The following SLC36A2 variants were observed in gnomAD, a reference collection of about 807,000 sequenced individuals.
SLC36A2 encodes solute carrier family 36 member 2, also known as proton-coupled amino acid transporter 2.
A neutral mutation model predicts 42.7 loss-of-function variants in SLC36A2; 39 were observed. The ratio of observed to expected loss-of-function variants is 0.91; its 90% confidence interval spans 0.71 to 1.19. SLC36A2 has a LOEUF of 1.19. Among genes scored for constraint, SLC36A2 ranks in the 50% most tolerant of loss-of-function variants. The probability of loss-of-function intolerance (pLI) is 0.00; values close to 1 mark genes in which losing one functional copy is unlikely to be tolerated. For synonymous variants in SLC36A2, 237 were observed against 240.8 expected, an observed-to-expected ratio of 0.98 and a Z score of 0.15; for missense variants, 590 against 613.7, an observed-to-expected ratio of 0.96 and a Z score of 0.41.
intron 8 of SLC36A2, 116 bp downstream of exon 8, chr5:151,325,170 T>G (rs2127288309): frequency 1.8e-5 from 22 of 1,245,284 alleles, no homozygotes; most frequent in Non-Finnish European, 2.5e-5. Context: ...CAATTCTGCT[T>G]CTTCTGTGGG....
chr5:151,317,797 C>T (rs954801974), intron 9 of SLC36A2, among the ~76,000 whole-genome samples: 3 of 152,172 alleles, frequency 2.0e-5, no homozygotes, highest in Admixed American at 6.5e-5. Flanking sequence ...AACTTTTCCC[C>T]TACCAACTTA....
At position 151,347,334 on chromosome 5, in the gene SLC36A2, A is replaced by G; in HGVS notation, c.127T>C (p.Ser43Pro). The change falls in exon 1 of 10, where the codon TCA (serine) becomes CCA (proline). Residue 43 changes from serine to proline, a missense_variant. Physicochemically the swap from Ser to Pro is moderately conservative, Grantham distance 74. Transcript: ENST00000335244. ...GTCTTCTTCAAGCCTGCTGACTCTG[A>G]AGGACTTTCATCCAAGAATGTAGAG... ...KDSTFLDESP[S>P]ESAGLKKTKG... 1 of 1,614,224 alleles carries G rather than the reference A, an allele frequency of 6.2e-7. No homozygotes were observed. Among genetic ancestry groups the G allele is most frequent in the Non-Finnish European group, 8.5e-7 (1 of 1,180,028 alleles).
chr5:151,340,147 G>GA (rs1756285341), intron 4 of SLC36A2, among the ~76,000 whole-genome samples: 3 of 104,406 alleles, frequency 2.9e-5, no homozygotes, highest in Non-Finnish European at 4.9e-5. Flanking sequence ...AGAAGAGGAG[G>GA]AGAAGGAGGA....
rs1448472960 is a variant in SLC36A2, at chr5:151,325,452, C to T, written c.844G>A (p.Val282Ile). The T allele has an allele frequency of 1.2e-6, 2 of 1,613,898 alleles. No homozygotes were observed. The highest frequency in any genetic ancestry group is 4.5e-5 in the East Asian group (2 of 44,880). The change falls in exon 8 of 10, where the codon GTT becomes ATT. Residue 282 changes from valine to isoleucine, a missense_variant and splice_region_variant. Transcript: ENST00000335244. Reference protein sequence around the residue: ...AIFSFESIGVVLPLENKMKNA... With the variant: ...AIFSFESIGVILPLENKMKNA... Reference sequence around the variant, plus strand: ...TTCATCTTGTTTTCCAGAGGCAGAACCTACAGAAACATCACAATGTAAGAA... The same window carrying T: ...TTCATCTTGTTTTCCAGAGGCAGAATCTACAGAAACATCACAATGTAAGAA...
At chr5:151,346,026 C>T (rs999312509) in intron 1 of SLC36A2, among the ~76,000 whole-genome samples, 5 of 152,222 alleles carry the variant, frequency 3.3e-5, no homozygotes, top group South Asian at 2.1e-4. Flanking sequence ...CCAACCCCAT[C>T]GTTGCCACGC....
chr5:151,339,739 A>C (rs1181942431), intron 4 of SLC36A2, among the ~76,000 whole-genome samples: 1 of 152,230 alleles, frequency 6.6e-6, no homozygotes, highest in East Asian at 1.9e-4. Flanking sequence ...CATTGATACC[A>C]ATTAATGTGG....
chr5:151,331,484 TA>T (rs1000880018), intron 7 of SLC36A2, among the ~76,000 whole-genome samples: 2 of 148,304 alleles, frequency 1.3e-5, no homozygotes, highest in African/African-American at 2.6e-5. Context: ...CCCAGCTAAT[TA>T]AAAAATTTTT....
Position 151,316,858 on chromosome 5 carries a change from C to G in SLC36A2, c.1411G>C (p.Asp471His), listed in dbSNP as rs140682366. The G allele has an allele frequency of 6.2e-7, 1 of 1,613,586 alleles. No individual in the cohort carries two copies. Residue 471 changes from aspartate to histidine, a missense_variant, in exon 10 of 10, where the codon GAC (aspartate) becomes CAC (histidine). Transcript: ENST00000335244. ...QALDELLKSE[D>H]SHPFSNSTTF... The stretch of plus-strand genomic sequence containing the variant: ...GTGGAGTTGGAAAAGGGGTGAGAGT[C>G]TTCTGACTTGAGCAGCTCGTCCAGG...
intron 5 of SLC36A2, among the ~76,000 whole-genome samples, chr5:151,336,197 T>C (rs6579853): frequency 0.2 from 30,498 of 152,166 alleles, 7,858 homozygotes; most frequent in African/African-American, 0.6. Flanking sequence ...TCATGTGGCA[T>C]AGCTAGGGGA....
intron 9 of SLC36A2, among the ~76,000 whole-genome samples, chr5:151,321,028 C>A (rs1755669865): frequency 6.6e-6 from 1 of 152,194 alleles, no homozygotes; most frequent in Non-Finnish European, 1.5e-5. Context: ...TATCATAGTT[C>A]TACCTCATGA....
intron 7 of SLC36A2, among the ~76,000 whole-genome samples, chr5:151,326,392 T>A (rs1755851203): frequency 6.6e-6 from 1 of 152,044 alleles, no homozygotes; most frequent in Admixed American, 6.5e-5. Flanking sequence ...CTGTGCAGAC[T>A]CCCTCCGCCA....
intron 3 of SLC36A2, 76 bp from the exon 4 acceptor site, chr5:151,343,059 C>T (rs559755373): frequency 8.7e-7 from 1 of 1,150,894 alleles, no homozygotes; most frequent in Non-Finnish European, 1.3e-6. Context: ...TCAGGAGACA[C>T]AGAACAAGGC....
In SLC36A2 at chr5:151,322,219, C is replaced by G. The variant is rs1237580594; in HGVS notation, c.1011-4G>C. 6.2e-7 allele frequency: 1 copy of G among 1,613,760 alleles called. No homozygotes were observed. The highest frequency in any genetic ancestry group is 1.3e-5 in the African/African-American group (1 of 74,926). ...AAGCTTGACAGACTGGTACAGCCTG[C>G]AAGACAAACCACAGAGCTGCTCTCC... On this transcript the variant is annotated splice_polypyrimidine_tract_variant and splice_region_variant and intron_variant, in intron 8 of 9. Coordinates refer to ENST00000335244, the MANE Select transcript of SLC36A2 (RefSeq NM_181776.3).
intron 2 of SLC36A2, 81 bp downstream of exon 2, chr5:151,344,096 G>C (rs761429207): frequency 7.7e-7 from 1 of 1,300,904 alleles, no homozygotes; most frequent in Non-Finnish European, 1.1e-6. Flanking sequence ...CTCACCACAG[G>C]TTGCTAAACC....
At chr5:151,324,968 C>T (rs745901625) in intron 8 of SLC36A2, among the ~76,000 whole-genome samples, 1 of 152,224 alleles carries the variant, frequency 6.6e-6, no homozygotes, top group Non-Finnish European at 1.5e-5. Flanking sequence ...CCCGACTCCT[C>T]TCTCTGTCTC....
chr5:151,325,318 C>T lies in SLC36A2; in HGVS notation c.978G>A (p.Lys326=), dbSNP rs147978124. Residue 326 remains lysine (K), a synonymous_variant, in exon 8 of 10, where the codon AAG becomes AAA. Transcript: ENST00000335244. ...TAGGCAGGTTAAGGCTTATGCTGGC[C>T]TTGATGTCATCTCCAAACCGCAGGT... ...LGYLRFGDDI[K]ASISLNLPNC... is the part of the protein sequence containing the mutation. 2.6e-4 allele frequency: 420 copies of T among 1,613,864 alleles called. No homozygotes were observed. The highest frequency in any genetic ancestry group is 3.3e-4 in the Non-Finnish European group (393 of 1,179,918).
intron 5 of SLC36A2, among the ~76,000 whole-genome samples, chr5:151,336,274 T>C (rs1298347053): frequency 6.6e-6 from 1 of 152,118 alleles, no homozygotes; most frequent in African/African-American, 2.4e-5. Context: ...ACCTAAAGCA[T>C]AGGGACCTAA....
In SLC36A2 at chr5:151,322,076, A is replaced by G; in HGVS notation, c.1150T>C (p.Ser384Pro). ...STRWALPLDL[S>P]IRLVMVCLTC... ...AGGCAGACCATGACGAGGCGAATGGACAGATCCAGAGGCAGTGCCCAGCGT... is the reference window on the plus strand; with the variant it reads ...AGGCAGACCATGACGAGGCGAATGGGCAGATCCAGAGGCAGTGCCCAGCGT... Residue 384 changes from serine to proline, a missense_variant, in exon 9 of 10, where the codon TCC becomes CCC. Physicochemically the swap from Ser to Pro is moderately conservative, Grantham distance 74. Transcript: ENST00000335244. 2 of 1,614,170 alleles carry G rather than the reference A, an allele frequency of 1.2e-6. No homozygotes were observed. The highest frequency in any genetic ancestry group is 1.7e-6 in the Non-Finnish European group (2 of 1,180,020).
intron 7 of SLC36A2, among the ~76,000 whole-genome samples, chr5:151,329,581 CA>C (rs1280204273): frequency 1.3e-5 from 2 of 152,106 alleles, no homozygotes; most frequent in Non-Finnish European, 2.9e-5. Context: ...TGGACAGATA[CA>C]AGTTCTTAGC....
Sources: gnomAD v4.1 joint callset for allele counts (sites outside exome capture counted in the v4.1 genomes callset) on GRCh38, gnomAD v4.1.1 for gene constraint, MANE v1.5 for transcripts, NCBI Gene and HGNC (gene_info 2026-07-23, HGNC 2026-07-21) for gene names.